Variants in GRM8 observed in about 807,000 individuals in gnomAD.
GRM8 encodes glutamate metabotropic receptor 8.
GRM8 carries 47 observed loss-of-function variants against 87.2 expected under a neutral mutation model. The observed-to-expected ratio is 0.54, with a 90% CI of 0.43 to 0.69. The LOEUF (loss-of-function observed/expected upper bound fraction) is 0.69. Among genes scored for constraint, GRM8 ranks in the 30% least tolerant of loss-of-function variants. GRM8 has a pLI of 0.00. For missense variants in GRM8, 1,019 were observed against 1,139.2 expected (o/e 0.89, Z 1.52); for synonymous variants, 396 against 404.5 (o/e 0.98, Z 0.25).
intron 6 of GRM8, among the ~76,000 whole-genome samples, chr7:126,892,523 A>G (rs1438234872): frequency 6.6e-6 from 1 of 151,972 alleles, no homozygotes; most frequent in African/African-American, 2.4e-5. Context: ...CATTTTCTTA[A>G]TCCAGTCTAT....
intron 7 of GRM8, among the ~76,000 whole-genome samples, chr7:126,661,283 C>A (rs550156787): frequency 6.6e-6 from 1 of 152,188 alleles, no homozygotes; most frequent in South Asian, 2.1e-4. Flanking sequence ...TCATGTACCC[C>A]ATAAGTATAT....
chr7:127,205,881 C>T (rs761975541), intron 2 of GRM8, among the ~76,000 whole-genome samples: 2 of 152,096 alleles, frequency 1.3e-5, no homozygotes, highest in Admixed American at 6.6e-5. Flanking sequence ...AGGCACCTAT[C>T]CACAAAATAG....
chr7:126,619,436 C>T (rs911898783), intron 7 of GRM8, among the ~76,000 whole-genome samples: 3 of 151,770 alleles, frequency 2.0e-5, no homozygotes, highest in Non-Finnish European at 2.9e-5. Context: ...ATGGGTACAG[C>T]ACACCAACAT....
Position 126,643,434 on chromosome 7 carries a change from C to T in GRM8, c.1358-33936G>A, listed in dbSNP as rs1802701359. ...TATAAATCCAACATCAAGTGGTTTC[C>T]AATTTTTAAGAAAGAATATATACAC... is the stretch of plus-strand genomic sequence containing the variant. On this transcript the variant is annotated intron_variant, in intron 7 of 10. Coordinates refer to ENST00000339582, the MANE Select transcript of GRM8 (RefSeq NM_000845.3). Among the ~76,000 whole-genome samples, 4 of 139,394 alleles carry T rather than the reference C, an allele frequency of 2.9e-5. No homozygotes were observed. In the Admixed American group the frequency reaches 3.0e-4, roughly 10 times the overall value. The allele number at this position is 139,394 out of a possible 152,430, so 91.4% of individuals were successfully genotyped here. A position where few individuals can be genotyped will look rare whatever the true frequency, so the allele number is the denominator to read the frequency against.
At chr7:126,699,913 T>C (rs1340850499) in intron 7 of GRM8, among the ~76,000 whole-genome samples, 1 of 152,152 alleles carries the variant, frequency 6.6e-6, no homozygotes, top group Non-Finnish European at 1.5e-5. Flanking sequence ...AGATATGAGA[T>C]CTAGGTCTAT....
At chr7:126,770,538 T>C (rs752533875) in intron 6 of GRM8, among the ~76,000 whole-genome samples, 1 of 152,068 alleles carries the variant, frequency 6.6e-6, no homozygotes, top group Non-Finnish European at 1.5e-5. Context: ...TTGTAACTTT[T>C]ATATGACAAT....
At chr7:126,681,560 G>T (rs1297705122) in intron 7 of GRM8, among the ~76,000 whole-genome samples, 1 of 152,226 alleles carries the variant, frequency 6.6e-6, no homozygotes, top group African/African-American at 2.4e-5. Flanking sequence ...GAAAACAAAA[G>T]CCAGGCTGAA....
intron 2 of GRM8, among the ~76,000 whole-genome samples, chr7:127,227,820 T>C (rs1326040154): frequency 6.6e-6 from 1 of 152,212 alleles, no homozygotes; most frequent in Non-Finnish European, 1.5e-5. Context: ...CATGTGATCA[T>C]TCCGGCAGCA....
intron 9 of GRM8, among the ~76,000 whole-genome samples, chr7:126,483,299 T>C (rs988572637): frequency 4.0e-5 from 6 of 149,506 alleles, no homozygotes; most frequent in Non-Finnish European, 8.9e-5. Flanking sequence ...CTAGAGTATA[T>C]ATAAACGTGT....
In GRM8 at chr7:126,672,292, A is replaced by C. The variant is rs73720734; in HGVS notation, c.1358-62794T>G. Among the ~76,000 whole-genome samples, 1,260 of 152,284 alleles carry C rather than the reference A, an allele frequency of 8.3e-3. 12 individuals carry two copies. The highest frequency in any genetic ancestry group is 0.031 in the Middle Eastern group (9 of 294). Reference sequence around the variant, plus strand: ...GAGGTCACTGGACCCTGGGGATGCAAGGACAGAAGAGGAAAAGAGGATGCT... The same window carrying C: ...GAGGTCACTGGACCCTGGGGATGCACGGACAGAAGAGGAAAAGAGGATGCT... On this transcript the variant is annotated intron_variant, in intron 7 of 10. Coordinates refer to ENST00000339582, the MANE Select transcript of GRM8 (RefSeq NM_000845.3).
chr7:126,490,075 G>A (rs537969950), intron 9 of GRM8, among the ~76,000 whole-genome samples: 14 of 152,196 alleles, frequency 9.2e-5, no homozygotes, highest in African/African-American at 3.4e-4. Flanking sequence ...CAAGCTTGCA[G>A]AGAGCAGATG....
chr7:127,077,715 C>T (rs1586932937), intron 3 of GRM8, among the ~76,000 whole-genome samples: 1 of 152,166 alleles, frequency 6.6e-6, no homozygotes, highest in East Asian at 1.9e-4. Flanking sequence ...TAACAACCCC[C>T]TTGGTAACTC....
Position 126,727,944 on chromosome 7 carries a change from A to G in GRM8, c.1357+41921T>C, listed in dbSNP as rs931306792. ...TACACATGAGCACAATTAATATAAG[A>G]TTACATTATTGATGCTTACATTCTG... On this transcript the variant is annotated intron_variant, in intron 7 of 10. Transcript: ENST00000339582. 8.5e-5 allele frequency among the ~76,000 whole-genome samples: 13 copies of G among 152,290 alleles called. No homozygotes were observed. In the Middle Eastern group the frequency reaches 0.017, roughly 199 times the overall value.
At chr7:127,163,604 T>C (rs1793258199) in intron 2 of GRM8, among the ~76,000 whole-genome samples, 1 of 152,190 alleles carries the variant, frequency 6.6e-6, no homozygotes, top group Non-Finnish European at 1.5e-5. Context: ...ATAAGAATGA[T>C]ACTGTGATTA....
intron 3 of GRM8, among the ~76,000 whole-genome samples, chr7:126,945,786 T>C (rs1471975107): frequency 6.6e-6 from 1 of 152,226 alleles, no homozygotes; most frequent in Non-Finnish European, 1.5e-5. Flanking sequence ...CCTAGAGCTA[T>C]ACATTTTGTC....
intron 2 of GRM8, among the ~76,000 whole-genome samples, chr7:127,142,834 C>T (rs976908668): frequency 1.6e-4 from 24 of 152,012 alleles, no homozygotes; most frequent in African/African-American, 5.8e-4. Context: ...TTAGCGACAA[C>T]AGATAAAAAT....
chr7:127,003,700 T>C (rs964454655), intron 3 of GRM8, among the ~76,000 whole-genome samples: 1 of 151,744 alleles, frequency 6.6e-6, no homozygotes, highest in African/African-American at 2.4e-5. Flanking sequence ...ACAGACTAAT[T>C]GTTTTCTACA....
At chr7:126,517,573 AGTT>A (rs1176282190) in intron 9 of GRM8, among the ~76,000 whole-genome samples, 1 of 152,132 alleles carries the variant, frequency 6.6e-6, no homozygotes, top group African/African-American at 2.4e-5. Flanking sequence ...TAATTGCTCA[AGTT>A]GTTATGTTAA....
At chr7:126,603,995 TAA>T (rs3216287) in intron 8 of GRM8, among the ~76,000 whole-genome samples, 1,848 of 150,526 alleles carry the variant, frequency 0.012, 33 homozygotes, top group African/African-American at 0.041. Flanking sequence ...ATTTTTGCAT[TAA>T]AAAAAAACAG....
Sources: gnomAD v4.1 joint callset for allele counts (sites outside exome capture counted in the v4.1 genomes callset) on GRCh38, gnomAD v4.1.1 for gene constraint, MANE v1.5 for transcripts, NCBI Gene and HGNC (gene_info 2026-07-23, HGNC 2026-07-21) for gene names.